Variants in TXNRD2 observed in about 807,000 individuals in gnomAD.
TXNRD2 encodes thioredoxin reductase 2.
TXNRD2 carries 67 observed loss-of-function variants against 70.8 expected under a neutral mutation model. That is an observed-to-expected ratio of 0.95 (90% CI 0.78 to 1.16). The LOEUF is 1.16. Among genes scored for constraint, TXNRD2 ranks in the 50% most tolerant of loss-of-function variants. The probability of loss-of-function intolerance (pLI) is 0.00; values close to 1 mark genes in which losing one functional copy is unlikely to be tolerated. For missense variants in TXNRD2, 644 were observed against 719.9 expected (o/e 0.89, Z 1.21); for synonymous variants, 301 against 295.8 (o/e 1.02, Z -0.18).
At chr22:19,912,918 C>A (rs938367658) in intron 7 of TXNRD2, among the ~76,000 whole-genome samples, 5 of 152,224 alleles carry the variant, frequency 3.3e-5, no homozygotes, top group African/African-American at 1.2e-4. Flanking sequence ...CTGCCTCCAC[C>A]GGACTGCCCC....
intron 7 of TXNRD2, among the ~76,000 whole-genome samples, chr22:19,912,478 G>A (rs149405068): frequency 2.2e-3 from 335 of 152,306 alleles, no homozygotes; most frequent in Non-Finnish European, 3.8e-3. Context: ...GAGCAGGGCC[G>A]GGCCAGGCCA....
rs539383987 is a variant in TXNRD2 at position 19,878,625 on chromosome 22, G to A, written c.1276-188C>T. ...ACGGGGTGTGTGCAGGCCCTCTCAC[G>A]TGCAGGCAGCCAGTGGCTGGAGCCA... On this transcript the variant is annotated intron_variant, in intron 14 of 17. Coordinates refer to ENST00000400521, the MANE Select transcript of TXNRD2 (RefSeq NM_006440.5). Among the ~76,000 whole-genome samples, 14 of 152,352 alleles carry A rather than the reference G, an allele frequency of 9.2e-5. No homozygotes were observed. In the East Asian group the frequency reaches 2.5e-3, roughly 27 times the overall value.
intron 1 of TXNRD2, among the ~76,000 whole-genome samples, chr22:19,938,682 G>A (rs1030557269): frequency 2.0e-5 from 3 of 152,070 alleles, no homozygotes; most frequent in South Asian, 4.2e-4. Flanking sequence ...ATTAATCTTC[G>A]GGGCAGAGAT....
chr22:19,889,516 C>A (rs1039946895), intron 11 of TXNRD2, among the ~76,000 whole-genome samples: 8 of 152,166 alleles, frequency 5.3e-5, no homozygotes, highest in African/African-American at 1.9e-4. Context: ...AAGGCTGAGG[C>A]AGGAGAATCG....
chr22:19,940,252 A>AAAC (rs1186155558), intron 1 of TXNRD2, among the ~76,000 whole-genome samples: 6 of 151,220 alleles, frequency 4.0e-5, no homozygotes, highest in Admixed American at 6.6e-5. Flanking sequence ...CTCAAAAAAA[A>AAAC]AAAAAAAAAA....
intron 1 of TXNRD2, among the ~76,000 whole-genome samples, chr22:19,934,496 CATAA>C (rs1193312829): frequency 6.6e-6 from 1 of 151,396 alleles, no homozygotes; most frequent in Non-Finnish European, 1.5e-5. Flanking sequence ...GGCAGAGGAA[CATAA>C]ATAGTGAAGA....
intron 1 of TXNRD2, among the ~76,000 whole-genome samples, chr22:19,937,079 T>C (rs1054074035): frequency 6.6e-6 from 1 of 152,218 alleles, no homozygotes; most frequent in Non-Finnish European, 1.5e-5. Flanking sequence ...TTTTGCTTCC[T>C]ATAGACTGCG....
chr22:19,939,160 C>T (rs937705791), intron 1 of TXNRD2, among the ~76,000 whole-genome samples: 16 of 151,686 alleles, frequency 1.1e-4, no homozygotes, highest in African/African-American at 2.7e-4. Context: ...ATAAAAACCA[C>T]GAGGAAGAGA....
intron 11 of TXNRD2, chr22:19,895,204 G>A: frequency 6.3e-7 from 1 of 1,598,238 alleles, no homozygotes; most frequent in South Asian, 1.1e-5. Flanking sequence ...CAAGGTGCTG[G>A]GGATGGCAAG....
intron 6 of TXNRD2, 96 bp downstream of exon 6, chr22:19,915,669 A>G: frequency 1.8e-6 from 2 of 1,124,776 alleles, no homozygotes; most frequent in Non-Finnish European, 2.7e-6. Context: ...AGCACGTGTT[A>G]CTAAGAACAG....
At chr22:19,891,771 C>G (rs1036569946) in intron 11 of TXNRD2, 1 of 152,218 alleles carries the variant, frequency 6.6e-6, no homozygotes, top group Non-Finnish European at 1.5e-5. Context: ...CTGGTGTGGG[C>G]GGGTGATTCA....
chr22:19,882,871 C>T (rs2145938445), intron 12 of TXNRD2, among the ~76,000 whole-genome samples: 1 of 152,350 alleles, frequency 6.6e-6, no homozygotes, highest in South Asian at 2.1e-4. Context: ...GGTGTGATGC[C>T]CAGAGAGGCA....
chr22:19,934,504 G>A (rs1279275972), intron 1 of TXNRD2, among the ~76,000 whole-genome samples: 1 of 151,818 alleles, frequency 6.6e-6, no homozygotes, highest in Non-Finnish European at 1.5e-5. Flanking sequence ...AACATAAATA[G>A]TGAAGATTTC....
chr22:19,916,016 G>A (rs1940623291), intron 5 of TXNRD2, 173 bp from the exon 6 acceptor site: 1 of 638,346 alleles, frequency 1.6e-6, no homozygotes, highest in Non-Finnish European at 2.8e-6. Context: ...TGGAGGGGAT[G>A]TGGGGGCACC....
intron 11 of TXNRD2, 80 bp downstream of exon 11, chr22:19,895,327 G>A: frequency 6.2e-7 from 1 of 1,605,010 alleles, no homozygotes; most frequent in East Asian, 2.2e-5. Context: ...AGCCCTGGGA[G>A]GTGACAGGAA....
intron 7 of TXNRD2, among the ~76,000 whole-genome samples, chr22:19,912,562 C>T (rs992845704): frequency 2.0e-4 from 31 of 152,234 alleles, no homozygotes; most frequent in African/African-American, 5.5e-4. Flanking sequence ...ACCCAATGAC[C>T]GCTGGGCTGC....
At chr22:19,941,609 GGGACACCCTGGCCACCGCCGCGC>G in intron 1 of TXNRD2, 69 bp downstream of exon 1, 1 of 1,353,640 alleles carries the variant, frequency 7.4e-7, no homozygotes. Context: ...CACCCCCACG[GGGACACCCTGGCCACCGCCGCGC>G]GGACACCCTC....
At chr22:19,915,123 G>T in intron 7 of TXNRD2, 91 bp downstream of exon 7, 1 of 1,190,878 alleles carries the variant, frequency 8.4e-7, no homozygotes, top group Non-Finnish European at 1.2e-6. Context: ...GCAAGCTGCT[G>T]CTGTGGGAAG....
intron 7 of TXNRD2, among the ~76,000 whole-genome samples, chr22:19,913,244 T>C (rs60787976): frequency 0.034 from 5,221 of 152,270 alleles, 129 homozygotes; most frequent in South Asian, 0.086. Context: ...TTCAGAATTA[T>C]GGAAATTAAC....
Sources: gnomAD v4.1 joint callset for allele counts (sites outside exome capture counted in the v4.1 genomes callset) on GRCh38, gnomAD v4.1.1 for gene constraint, MANE v1.5 for transcripts, NCBI Gene and HGNC (gene_info 2026-07-23, HGNC 2026-07-21) for gene names.